Variants in CEACAM19 observed in about 807,000 individuals in gnomAD.
CEACAM19 encodes CEA cell adhesion molecule 19.
CEACAM19 carries 37 observed loss-of-function variants against 37.6 expected under a neutral mutation model. The ratio of observed to expected loss-of-function variants is 0.98; its 90% confidence interval spans 0.76 to 1.29. The LOEUF (loss-of-function observed/expected upper bound fraction) is 1.29, where lower values mean the gene tolerates loss of function less well. Ranked by LOEUF, CEACAM19 falls within the 50% of genes most tolerant of loss-of-function variation. The pLI, the probability that CEACAM19 is intolerant of heterozygous loss-of-function variation, is 0.00. For synonymous variants in CEACAM19, 140 were observed against 149.8 expected (o/e 0.93, Z 0.48); for missense variants, 340 against 375.6 (o/e 0.91, Z 0.78).
rs1318255761 is a variant in CEACAM19, at chr19:44,683,482, A to C, written c.892A>C (p.Thr298Pro). The change falls in exon 8 of 8, where the codon ACT (threonine) becomes CCT (proline). Residue 298 changes from threonine to proline, a missense_variant. By Grantham distance (38) the Thr-to-Pro change is conservative. Coordinates refer to ENST00000358777, the MANE Select transcript of CEACAM19 (RefSeq NM_001127893.3). ...TGCCCCCTACTGCCAGCTGGTGCCA[A>C]CTTCCTGATGGGTCCTGGGCCAGGC... ...DPAPYCQLVP[T>P]S The C allele has an allele frequency of 6.4e-7, 1 of 1,562,054 alleles. No homozygotes were observed. Among genetic ancestry groups the C allele is most frequent in the South Asian group, 1.2e-5 (1 of 84,808 alleles).
intron 2 of CEACAM19, among the ~76,000 whole-genome samples, chr19:44,675,492 C>T (rs1973931926): frequency 6.6e-6 from 1 of 152,030 alleles, no homozygotes; most frequent in African/African-American, 2.4e-5. Context: ...TGAGAAAAAG[C>T]AAAGCAGATT....
intron 5 of CEACAM19, 84 bp from the exon 6 acceptor site, chr19:44,681,143 A>G: frequency 2.2e-6 from 2 of 921,476 alleles, no homozygotes; most frequent in East Asian, 2.6e-5. Context: ...AGTTGAATAA[A>G]TAAATAAATG....
chr19:44,674,397 T>C (rs1394726197), intron 2 of CEACAM19, among the ~76,000 whole-genome samples: 1 of 152,056 alleles, frequency 6.6e-6, no homozygotes, highest in Non-Finnish European at 1.5e-5. Context: ...CTCAAACTCC[T>C]GGCCTCAAGC....
intron 3 of CEACAM19, 174 bp from the exon 4 acceptor site, chr19:44,678,679 G>A (rs561934080): frequency 2.3e-6 from 2 of 861,760 alleles, no homozygotes; most frequent in Admixed American, 6.7e-5. Flanking sequence ...CCAAAGTGTT[G>A]GGATTACAGG....
intron 2 of CEACAM19, among the ~76,000 whole-genome samples, chr19:44,674,452 G>A (rs1037633308): frequency 6.6e-6 from 1 of 151,980 alleles, no homozygotes; most frequent in African/African-American, 2.4e-5. Flanking sequence ...ACAAGAATAA[G>A]CCACCATGCC....
rs889136445 is a variant in CEACAM19, at chr19:44,678,665, C to A, written c.576-188C>A. ...AACTCAGGTGATCTGCCCACCTTGGCCTCCCAAAGTGTTGGGATTACAGGC... is the reference window on the plus strand; with the variant it reads ...AACTCAGGTGATCTGCCCACCTTGGACTCCCAAAGTGTTGGGATTACAGGC... On this transcript the variant is annotated intron_variant, in intron 3 of 7. Transcript: ENST00000358777. 19 of 693,632 alleles carry A rather than the reference C, an allele frequency of 2.7e-5. No individual in the cohort carries two copies. In the African/African-American group the frequency reaches 3.3e-4, roughly 12 times the overall value. 43.0% of individuals were successfully genotyped at this position (693,632 alleles called of 1,614,324 possible).
intron 7 of CEACAM19, 183 bp downstream of exon 7, chr19:44,682,803 C>G: frequency 1.8e-6 from 1 of 565,656 alleles, no homozygotes; most frequent in Non-Finnish European, 3.1e-6. Flanking sequence ...TGGCAAGTCC[C>G]TTTTCCTCCC....
intron 2 of CEACAM19, among the ~76,000 whole-genome samples, chr19:44,675,716 T>C (rs937012623): frequency 2.0e-5 from 3 of 151,348 alleles, no homozygotes; most frequent in Admixed American, 6.6e-5. Context: ...AGCCGAGGAG[T>C]TGGAGGCTGC....
At position 44,683,557 on chromosome 19, in the gene CEACAM19, T is replaced by A; in HGVS notation, c.*67T>A. Reference sequence around the variant, plus strand: ...AGCCCTCCTCTGGGAGCCTCACACCTGAGACCAGCAGGACAAGGCCATTGG... The same window carrying A: ...AGCCCTCCTCTGGGAGCCTCACACCAGAGACCAGCAGGACAAGGCCATTGG... On this transcript the variant is annotated 3_prime_UTR_variant, in exon 8 of 8. Coordinates refer to ENST00000358777, the MANE Select transcript of CEACAM19 (RefSeq NM_001127893.3). 9.5e-7 allele frequency: 1 copy of A among 1,054,506 alleles called. No individual in the cohort carries two copies. The allele number at this position is 1,054,506 out of a possible 1,614,324, so 65.3% of individuals were successfully genotyped here.
upstream of CEACAM19, chr19:44,667,180 C>G (rs1337993425): frequency 1.3e-5 from 2 of 151,618 alleles, no homozygotes; most frequent in East Asian, 3.9e-4. Flanking sequence ...ATACCATCAC[C>G]CCCAACAAGC....
At chr19:44,672,537 GC>G in intron 1 of CEACAM19, 58 bp from the exon 2 acceptor site, 1 of 1,420,536 alleles carries the variant, frequency 7.0e-7, no homozygotes, top group Non-Finnish European at 9.2e-7. Context: ...CTAGAGAGGA[GC>G]ATGCCATGGT....
At chr19:44,679,031 T>C (rs1269358049) in intron 4 of CEACAM19, 95 bp downstream of exon 4, 1 of 1,545,920 alleles carries the variant, frequency 6.5e-7, no homozygotes, top group Admixed American at 1.8e-5. Context: ...CTCACTCTGT[T>C]GCCAAGGTTG....
intron 6 of CEACAM19, among the ~76,000 whole-genome samples, chr19:44,682,075 T>G (rs116582303): frequency 0.031 from 4,774 of 152,082 alleles, 246 homozygotes; most frequent in African/African-American, 0.11. Context: ...CTGGGGAACA[T>G]AGCTAGACCC....
chr19:44,666,407 G>A (rs994354718), intron 1 of CEACAM19, among the ~76,000 whole-genome samples: 16 of 152,226 alleles, frequency 1.1e-4, no homozygotes, highest in African/African-American at 3.9e-4. Context: ...AGTGGCTCAC[G>A]CCTGTAATCC....
intron 4 of CEACAM19, 40 bp downstream of exon 4, chr19:44,678,976 T>C (rs1974004774): frequency 6.2e-7 from 1 of 1,610,758 alleles, no homozygotes; most frequent in Non-Finnish European, 8.5e-7. Flanking sequence ...ACTAACAAAC[T>C]TGCTATAGCG....
At position 44,678,874 on chromosome 19, in the gene CEACAM19, G is replaced by A; in HGVS notation, c.597G>A (p.Gln199=). ...CTAGACTGCCTGCTCCGAGGGGCCA[G>A]GGATCTCTGTCCATCTTGTGCTCGG... ...QSHRLPAPRG[Q]GSLSILCSAV... is the part of the protein sequence containing the mutation. The change falls in exon 4 of 8, where the codon CAG becomes CAA. Residue 199 remains glutamine (Q), a synonymous_variant. Transcript: ENST00000358777. The A allele has an allele frequency of 6.2e-7, 1 of 1,613,934 alleles. No homozygotes were observed. The highest frequency in any genetic ancestry group is 1.1e-5 in the South Asian group (1 of 91,042).
chr19:44,672,664 CA>C lies in CEACAM19; in HGVS notation c.125del (p.Gln42ArgfsTer81). Reference sequence around the variant, plus strand: ...TCTCTACATCCAGAAGATTCCAGAGCAGCCTCAAAAGAACCAGGACCTTCTC... The same window carrying C: ...TCTCTACATCCAGAAGATTCCAGAGCGCCTCAAAAGAACCAGGACCTTCTC... Reference protein sequence around the residue: ...AALYIQKIPEQPQKNQDLLLS... With the variant: ...AALYIQKIPEXPQKNQDLLLS... On this transcript the variant is annotated frameshift_variant, in exon 2 of 8. Coordinates refer to ENST00000358777, the MANE Select transcript of CEACAM19 (RefSeq NM_001127893.3). LOFTEE classifies it high-confidence loss of function. 6.5e-7 allele frequency: 1 copy of C among 1,533,362 alleles called. No homozygotes were observed. Among genetic ancestry groups the C allele is most frequent in the African/African-American group, 1.4e-5 (1 of 72,272 alleles). 95.0% of individuals were successfully genotyped at this position (1,533,362 alleles called of 1,614,324 possible).
intron 7 of CEACAM19, 181 bp from the exon 8 acceptor site, chr19:44,683,256 T>C: frequency 2.1e-6 from 1 of 486,880 alleles, no homozygotes; most frequent in Non-Finnish European, 3.8e-6. Flanking sequence ...GTCCACCTCA[T>C]TTCTTGGCTC....
intron 5 of CEACAM19, 86 bp from the exon 6 acceptor site, chr19:44,681,137 GAATA>G (rs1974050251): frequency 1.5e-5 from 13 of 892,262 alleles, no homozygotes; most frequent in Middle Eastern, 2.2e-4. Flanking sequence ...AATGTTAGTT[GAATA>G]AATAAATAAA....
Sources: gnomAD v4.1 joint callset for allele counts (sites outside exome capture counted in the v4.1 genomes callset) on GRCh38, gnomAD v4.1.1 for gene constraint, MANE v1.5 for transcripts, NCBI Gene and HGNC (gene_info 2026-07-23, HGNC 2026-07-21) for gene names.